Variants in PATL1 observed in about 807,000 individuals in gnomAD.
The protein encoded by PATL1 is protein PAT1 homolog 1.
PATL1 carries 32 observed loss-of-function variants against 100.6 expected under a neutral mutation model. The observed-to-expected ratio is 0.32, with a 90% CI of 0.24 to 0.43. The LOEUF is 0.43. Ranked by LOEUF, PATL1 falls within the 20% of genes least tolerant of loss-of-function variation. The pLI is 1.00. For synonymous variants in PATL1, 332 were observed against 330.0 expected, an observed-to-expected ratio of 1.01 and a Z score of -0.07; for missense variants, 747 against 949.9, an observed-to-expected ratio of 0.79 and a Z score of 2.81.
intron 12 of PATL1, among the ~76,000 whole-genome samples, chr11:59,651,163 G>C (rs1229733041): frequency 6.6e-6 from 1 of 152,110 alleles, no homozygotes; most frequent in East Asian, 1.9e-4. Flanking sequence ...CTTATGTCAT[G>C]GGGGTTGTAC....
chr11:59,653,369 A>G (rs1173374592), intron 9 of PATL1, among the ~76,000 whole-genome samples: 1 of 152,194 alleles, frequency 6.6e-6, no homozygotes, highest in Non-Finnish European at 1.5e-5. Flanking sequence ...GTCCAAAGCC[A>G]TACATCTAGT....
At position 59,668,988 on chromosome 11, in the gene PATL1, C is replaced by A; in HGVS notation, c.-93G>T. 1 of 298,170 alleles carries A rather than the reference C, an allele frequency of 3.4e-6. No individual in the cohort carries two copies. The highest frequency in any genetic ancestry group is 1.2e-4 in the South Asian group (1 of 8,574). 18.5% of individuals were successfully genotyped at this position (298,170 alleles called of 1,614,324 possible). On this transcript the variant is annotated 5_prime_UTR_variant, in exon 1 of 19. Coordinates refer to ENST00000300146, the MANE Select transcript of PATL1 (RefSeq NM_152716.3). ...GCTCCTCCGCGCGCGGGTCCTCCAC[C>A]GGCTCGCGACCCCTGGCCGCCGCCG...
chr11:59,651,829 C>G (rs1438454429), intron 11 of PATL1, among the ~76,000 whole-genome samples, 188 bp from the exon 12 acceptor site: 2 of 151,900 alleles, frequency 1.3e-5, no homozygotes, highest in African/African-American at 4.8e-5. Context: ...CTTTGGGAGG[C>G]CGAGGGGGGT....
At position 59,666,959 on chromosome 11, in the gene PATL1, C is replaced by A; in HGVS notation, c.21G>T (p.Leu7Phe). The stretch of plus-strand genomic sequence containing the variant: ...CATCTTCATCCAGAGGACAATCCTC[C>A]AAAGACTAAAAAAAAAGAAAAGACA... Reference protein sequence around the residue: MFRYESLEDCPLDEDED... With the variant: MFRYESFEDCPLDEDED... The change falls in exon 2 of 19, where the codon TTG (leucine) becomes TTT (phenylalanine). Residue 7 changes from leucine (L) to phenylalanine (F), a missense_variant. Coordinates refer to ENST00000300146, the MANE Select transcript of PATL1 (RefSeq NM_152716.3). 1.3e-6 allele frequency: 2 copies of A among 1,541,612 alleles called. No homozygotes were observed. Among genetic ancestry groups the A allele is most frequent in the Admixed American group, 4.1e-5 (2 of 49,082 alleles).
Position 59,666,958 on chromosome 11 carries a change from C to T in PATL1, c.22G>A (p.Glu8Lys). 6.5e-7 allele frequency: 1 copy of T among 1,542,550 alleles called. No homozygotes were observed. The highest frequency in any genetic ancestry group is 8.7e-7 in the Non-Finnish European group (1 of 1,144,584). ...TCATCTTCATCCAGAGGACAATCCT[C>T]CAAAGACTAAAAAAAAAGAAAAGAC... The part of the protein sequence containing the change: MFRYESL[E>K]DCPLDEDEDA... Residue 8 changes from glutamate (E) to lysine (K), a missense_variant, in exon 2 of 19, where the codon GAG (glutamate) becomes AAG (lysine). Around this residue, in one of 4 missense-constraint regions of PATL1, gnomAD observed 183 missense variants for 221.2 expected, o/e 0.83. Coordinates refer to ENST00000300146, the MANE Select transcript of PATL1 (RefSeq NM_152716.3).
chr11:59,653,774 T>TA (rs1365541127), intron 9 of PATL1, among the ~76,000 whole-genome samples: 2 of 152,348 alleles, frequency 1.3e-5, no homozygotes, highest in Non-Finnish European at 2.9e-5. Flanking sequence ...GTGTGCCTTT[T>TA]AGTTTTACAT....
chr11:59,642,454 G>A (rs1861298966), intron 16 of PATL1, among the ~76,000 whole-genome samples: 2 of 152,166 alleles, frequency 1.3e-5, no homozygotes, highest in Admixed American at 6.5e-5. Flanking sequence ...AGAAGTTTCT[G>A]GTTAGAACTC....
At chr11:59,662,549 T>C (rs1364177521) in intron 2 of PATL1, among the ~76,000 whole-genome samples, 1 of 152,182 alleles carries the variant, frequency 6.6e-6, no homozygotes, top group Non-Finnish European at 1.5e-5. Context: ...ATTTAAAGAA[T>C]AATGTAATTA....
chr11:59,639,117 G>A lies in PATL1; in HGVS notation c.2222C>T (p.Thr741Ile). ...GCGAGAAAAGAGGGACACTAGGTTT[G>A]TAGGTATAGAGATTGGCTTGGCCAG... ...AALAKPISIP[T>I]NLVSLFSRYV... is the part of the protein sequence containing the mutation. The change falls in exon 18 of 19, where the codon ACA becomes ATA. Residue 741 changes from threonine (T) to isoleucine (I), a missense_variant. Transcript: ENST00000300146. The A allele has an allele frequency of 6.2e-7, 1 of 1,614,022 alleles. No homozygotes were observed. The highest frequency in any genetic ancestry group is 8.5e-7 in the Non-Finnish European group (1 of 1,179,884).
At chr11:59,655,781 A>C in intron 7 of PATL1, 41 bp from the exon 8 acceptor site, 1 of 1,517,290 alleles carries the variant, frequency 6.6e-7, no homozygotes, top group Non-Finnish European at 9.0e-7. Context: ...ACAATCAGCA[A>C]GTCCCCTTGC....
At chr11:59,664,524 T>C (rs1402593914) in intron 2 of PATL1, among the ~76,000 whole-genome samples, 1 of 152,184 alleles carries the variant, frequency 6.6e-6, no homozygotes, top group Non-Finnish European at 1.5e-5. Context: ...AGAAAAAGAG[T>C]TCTAGAAACA....
chr11:59,667,762 G>C (rs532429843), intron 1 of PATL1, among the ~76,000 whole-genome samples: 115 of 152,338 alleles, frequency 7.5e-4, no homozygotes, highest in Non-Finnish European at 1.5e-3. Flanking sequence ...ACAAAGGCTA[G>C]AGGCCACCAC....
At chr11:59,657,331 G>T (rs11606058) in intron 5 of PATL1, among the ~76,000 whole-genome samples, 199 bp downstream of exon 5, 16,761 of 152,160 alleles carry the variant, frequency 0.11, 1,144 homozygotes, top group East Asian at 0.18. Context: ...CCAATTAAAA[G>T]GCAGCAGCAA....
intron 15 of PATL1, among the ~76,000 whole-genome samples, chr11:59,645,269 A>C (rs1212382341): frequency 6.9e-5 from 3 of 43,420 alleles, no homozygotes; most frequent in Admixed American, 5.9e-4. Context: ...CATTGTCATC[A>C]TGGCCCGTTC....
chr11:59,666,330 A>G (rs1050036542), intron 2 of PATL1, among the ~76,000 whole-genome samples: 4 of 152,194 alleles, frequency 2.6e-5, no homozygotes, highest in African/African-American at 9.6e-5. Context: ...TTTCTAACTT[A>G]TGAGTCCTTT....
rs1487694633 is a variant in PATL1, at chr11:59,649,570, C to T, written c.1625G>A (p.Arg542His). 4 of 1,613,478 alleles carry T rather than the reference C, an allele frequency of 2.5e-6. No homozygotes were observed. Among genetic ancestry groups the T allele is most frequent in the East Asian group, 2.2e-5 (1 of 44,870 alleles). The part of the protein sequence containing the change: ...LLLDVEDYER[R>H]YLLSLEEERP... ...CTCTTCTTCCAGACTTAGGAGATAA[C>T]GTCTTTCATAGTCCTCCACATCAAG... Residue 542 changes from arginine (R) to histidine (H), a missense_variant, in exon 14 of 19, where the codon CGT becomes CAT. Around this residue, in one of 4 missense-constraint regions of PATL1, gnomAD observed 434 missense variants for 596.1 expected, o/e 0.73. Coordinates refer to ENST00000300146, the MANE Select transcript of PATL1 (RefSeq NM_152716.3).
At chr11:59,663,458 A>G (rs1038344124) in intron 2 of PATL1, among the ~76,000 whole-genome samples, 1 of 152,164 alleles carries the variant, frequency 6.6e-6, no homozygotes, top group African/African-American at 2.4e-5. Flanking sequence ...CTCCCCCAAA[A>G]CTATTAAACA....
intron 2 of PATL1, among the ~76,000 whole-genome samples, chr11:59,662,872 T>A (rs772225188): frequency 1.3e-5 from 2 of 152,182 alleles, no homozygotes; most frequent in Non-Finnish European, 2.9e-5. Context: ...AATAATATTT[T>A]AAAAATATTG....
intron 16 of PATL1, among the ~76,000 whole-genome samples, chr11:59,642,278 C>G (rs1292220252): frequency 6.6e-6 from 1 of 152,220 alleles, no homozygotes; most frequent in Non-Finnish European, 1.5e-5. Context: ...GATGATTCTA[C>G]TATTCATAGT....
Sources: gnomAD v4.1 joint callset for allele counts (sites outside exome capture counted in the v4.1 genomes callset) on GRCh38, gnomAD v4.1.1 for gene constraint, gnomAD v4.1.1 regional missense constraint, MANE v1.5 for transcripts, NCBI Gene and HGNC (gene_info 2026-07-23, HGNC 2026-07-21) for gene names.